RARB: variants seen among roughly 807,000 people sequenced by gnomAD.
RARB encodes HBV-activated protein.
Under a neutral mutation model 51.9 loss-of-function variants are expected in RARB, and 17 were observed. That is an observed-to-expected ratio of 0.33 (90% CI 0.22 to 0.49). RARB has a LOEUF of 0.49. Among genes scored for constraint, RARB ranks in the 20% least tolerant of loss-of-function variants. The pLI is 0.99. For synonymous variants in RARB, 215 were observed against 195.4 expected (o/e 1.10, Z -0.84); for missense variants, 369 against 550.8 (o/e 0.67, Z 3.30).
chr3:25,595,063 C>G (rs1701765400), intron 7 of RARB, among the ~76,000 whole-genome samples: 1 of 152,178 alleles, frequency 6.6e-6, no homozygotes, highest in African/African-American at 2.4e-5. Flanking sequence ...TTAAGTTTCT[C>G]TCAATCACTT....
intron 4 of RARB, among the ~76,000 whole-genome samples, chr3:25,159,565 T>C (rs929953672): frequency 6.6e-6 from 1 of 152,136 alleles, no homozygotes; most frequent in Non-Finnish European, 1.5e-5. Context: ...CACTTGGAAA[T>C]ATATTCTGGT....
At chr3:25,406,033 C>A (rs1707398533) in intron 5 of RARB, among the ~76,000 whole-genome samples, 1 of 152,108 alleles carries the variant, frequency 6.6e-6, no homozygotes, top group Non-Finnish European at 1.5e-5. Flanking sequence ...TTAGAGGACT[C>A]CCATCTCCTA....
intron 5 of RARB, among the ~76,000 whole-genome samples, chr3:25,190,436 G>T (rs963233135): frequency 4.6e-5 from 7 of 152,102 alleles, no homozygotes; most frequent in Non-Finnish European, 7.4e-5. Context: ...GGGTAGAAGT[G>T]TAAAGTATTT....
At chr3:25,516,430 TA>T (rs964125441) in intron 3 of RARB, among the ~76,000 whole-genome samples, 2 of 152,002 alleles carry the variant, frequency 1.3e-5, no homozygotes, top group Non-Finnish European at 2.9e-5. Flanking sequence ...TTTCCATAAT[TA>T]AAAAAAGCAA....
intron 5 of RARB, among the ~76,000 whole-genome samples, chr3:25,208,823 C>A (rs1307108821): frequency 3.3e-5 from 5 of 152,122 alleles, no homozygotes. Flanking sequence ...GGAAGGTGAC[C>A]TGGACTCAGG....
At chr3:25,124,114 C>T (rs539845405) in intron 3 of RARB, among the ~76,000 whole-genome samples, 1 of 152,278 alleles carries the variant, frequency 6.6e-6, no homozygotes, top group East Asian at 1.9e-4. Flanking sequence ...GTGGCTCACG[C>T]CTGTAATCCT....
At chr3:25,126,505 C>T (rs573585533) in intron 3 of RARB, among the ~76,000 whole-genome samples, 45 of 151,778 alleles carry the variant, frequency 3.0e-4, no homozygotes, top group Non-Finnish European at 5.3e-4. Context: ...TTTCTTAAAA[C>T]GAAGGATACG....
At chr3:25,222,066 C>T (rs572835374) in intron 5 of RARB, among the ~76,000 whole-genome samples, 1 of 152,286 alleles carries the variant, frequency 6.6e-6, no homozygotes, top group African/African-American at 2.4e-5. Context: ...CATTAAGTTA[C>T]TTGGTAATAC....
In RARB at chr3:25,136,493, C is replaced by T. The variant is rs554055865; in HGVS notation, c.-280+4285C>T. On this transcript the variant is annotated intron_variant, in intron 4 of 11. Transcript: ENST00000383772. ...TTATGTTTTGTAAAAATAACCCATA[C>T]AGCATGCTAGAGTGTTTTGTTTTAT... 3.3e-5 allele frequency among the ~76,000 whole-genome samples: 5 copies of T among 152,074 alleles called. No individual in the cohort carries two copies. The East Asian group carries it at 9.7e-4, about 29-fold the overall frequency.
intron 5 of RARB, among the ~76,000 whole-genome samples, chr3:25,411,530 A>G (rs1467316502): frequency 1.3e-5 from 2 of 152,196 alleles, no homozygotes; most frequent in African/African-American, 4.8e-5. Flanking sequence ...TTCTAAAGTC[A>G]TGTGGGATGT....
chr3:25,369,299 A>G (rs951263384), intron 5 of RARB, among the ~76,000 whole-genome samples: 2 of 152,216 alleles, frequency 1.3e-5, no homozygotes, highest in African/African-American at 4.8e-5. Context: ...TTCTGCCCAG[A>G]GGAAGCTCAC....
At chr3:24,833,790 A>G (rs916713358) in intron 1 of RARB, among the ~76,000 whole-genome samples, 2 of 152,218 alleles carry the variant, frequency 1.3e-5, no homozygotes, top group African/African-American at 4.8e-5. Context: ...CCACAGGTAG[A>G]CCTGCCAGTA....
intron 5 of RARB, among the ~76,000 whole-genome samples, chr3:25,321,545 C>T (rs1014076521): frequency 1.2e-4 from 18 of 151,768 alleles, no homozygotes; most frequent in Admixed American, 2.6e-4. Flanking sequence ...TGGCGAAACC[C>T]CTTCTCTACT....
intron 3 of RARB, among the ~76,000 whole-genome samples, chr3:25,523,448 T>C (rs1698494759): frequency 6.6e-6 from 1 of 152,194 alleles, no homozygotes; most frequent in Non-Finnish European, 1.5e-5. Context: ...TTTTAAAGAC[T>C]CACGAATTCA....
Position 25,343,731 on chromosome 3 carries a change from T to C in RARB, c.179-117462T>C, listed in dbSNP as rs952444534. Among the ~76,000 whole-genome samples the C allele has an allele frequency of 2.0e-5, 3 of 152,176 alleles. No homozygotes were observed. The South Asian group carries it at 6.2e-4, about 32-fold the overall frequency. Reference sequence around the variant, plus strand: ...TACTCTTCAAGTCCGTATTTAACTATGTAACCCCAAAAGGATTCCAGGACA... The same window carrying C: ...TACTCTTCAAGTCCGTATTTAACTACGTAACCCCAAAAGGATTCCAGGACA... On this transcript the variant is annotated intron_variant, in intron 5 of 11. Coordinates refer to the RARB transcript ENST00000383772.
intron 4 of RARB, among the ~76,000 whole-genome samples, chr3:25,156,475 A>G (rs1476373286): frequency 8.0e-6 from 1 of 125,074 alleles, no homozygotes; most frequent in Non-Finnish European, 1.6e-5. Flanking sequence ...ATTTCCCTTC[A>G]TTTTAACTGA....
intron 5 of RARB, among the ~76,000 whole-genome samples, chr3:25,247,101 T>A (rs572499020): frequency 3.3e-5 from 5 of 152,342 alleles, no homozygotes; most frequent in African/African-American, 1.2e-4. Flanking sequence ...CAGAACTAGC[T>A]GGGAGCTTCA....
intron 2 of RARB, among the ~76,000 whole-genome samples, chr3:24,883,743 G>A (rs1703217332): frequency 6.6e-6 from 1 of 152,092 alleles, no homozygotes; most frequent in East Asian, 1.9e-4. Flanking sequence ...CAAATTGGGT[G>A]TCAGATACAG....
At chr3:25,433,052 ACTAT>A (rs1028736901) in intron 1 of RARB, among the ~76,000 whole-genome samples, 6 of 152,214 alleles carry the variant, frequency 3.9e-5, no homozygotes, top group African/African-American at 1.2e-4. Context: ...AATTCAGTTA[ACTAT>A]CAATTAAATA....
Sources: allele counts gnomAD v4.1 joint callset (sites outside exome capture counted in the v4.1 genomes callset), GRCh38; gene constraint gnomAD v4.1.1; transcripts MANE v1.5; gene names NCBI Gene and HGNC (gene_info 2026-07-23, HGNC 2026-07-21).